CNTN5: variants seen among roughly 807,000 people sequenced by gnomAD.
The protein encoded by CNTN5 is contactin 5.
A neutral mutation model predicts 129.1 loss-of-function variants in CNTN5; 77 were observed. That is an observed-to-expected ratio of 0.60 (90% confidence interval 0.50 to 0.72). The LOEUF (loss-of-function observed/expected upper bound fraction) is 0.72. Ranked by LOEUF, CNTN5 falls within the 30% of genes least tolerant of loss-of-function variation. The pLI is 0.00. For synonymous variants in CNTN5, 509 were observed against 465.6 expected (o/e 1.09, Z -1.20); for missense variants, 1,478 against 1,328.8 (o/e 1.11, Z -1.75).
intron 3 of CNTN5, among the ~76,000 whole-genome samples, chr11:99,818,799 AAT>A (rs1232092345): frequency 6.6e-6 from 1 of 152,222 alleles, no homozygotes; most frequent in African/African-American, 2.4e-5. Flanking sequence ...TAGGAATTAA[AAT>A]ATGAAATTTA....
chr11:99,141,733 T>C (rs911687743), intron 1 of CNTN5, among the ~76,000 whole-genome samples: 1 of 152,182 alleles, frequency 6.6e-6, no homozygotes, highest in African/African-American at 2.4e-5. Flanking sequence ...CTTGATTTCT[T>C]CCTTAATTGG....
chr11:99,118,742 G>A (rs1858163024), intron 1 of CNTN5, among the ~76,000 whole-genome samples: 1 of 151,952 alleles, frequency 6.6e-6, no homozygotes, highest in Non-Finnish European at 1.5e-5. Context: ...AAAGAAGTTT[G>A]AAGAGTTAAG....
At chr11:99,214,495 C>G (rs1860018320) in intron 1 of CNTN5, among the ~76,000 whole-genome samples, 1 of 150,520 alleles carries the variant, frequency 6.6e-6, no homozygotes, top group Non-Finnish European at 1.5e-5. Context: ...TCTCTGTGAA[C>G]TTTGACAAAT....
intron 3 of CNTN5, among the ~76,000 whole-genome samples, chr11:99,767,668 A>T (rs1944801218): frequency 6.6e-6 from 1 of 150,996 alleles, no homozygotes; most frequent in Non-Finnish European, 1.5e-5. Flanking sequence ...TGTGAAGTTT[A>T]ATATTCTCTG....
intron 1 of CNTN5, among the ~76,000 whole-genome samples, chr11:99,169,675 GA>G (rs991609292): frequency 6.6e-6 from 1 of 152,114 alleles, no homozygotes; most frequent in African/African-American, 2.4e-5. Context: ...AAGGGGTAAA[GA>G]GAAAGAAAAT....
intron 16 of CNTN5, 137 bp from the exon 17 acceptor site, chr11:100,255,623 T>C: frequency 1.4e-6 from 1 of 706,496 alleles, no homozygotes; most frequent in Non-Finnish European, 2.2e-6. Flanking sequence ...TGACTTTTTG[T>C]TGTCAATTTT....
chr11:99,041,502 TA>T (rs1863982096), intron 1 of CNTN5, among the ~76,000 whole-genome samples: 2 of 152,218 alleles, frequency 1.3e-5, no homozygotes, highest in Admixed American at 1.3e-4. Context: ...CTCATCTTTT[TA>T]TCCTCATCAC....
chr11:99,862,219 A>T (rs1448965067), intron 6 of CNTN5, among the ~76,000 whole-genome samples: 1 of 152,220 alleles, frequency 6.6e-6, no homozygotes, highest in African/African-American at 2.4e-5. Context: ...AATACATTTC[A>T]GCATGACAAC....
At chr11:99,035,170 G>A (rs1035554264) in intron 1 of CNTN5, among the ~76,000 whole-genome samples, 123 of 151,624 alleles carry the variant, frequency 8.1e-4, no homozygotes, top group Non-Finnish European at 2.4e-4. Context: ...TACATTTGCC[G>A]AGGAGAGCTT....
chr11:99,167,046 A>G (rs1338123462), intron 1 of CNTN5, among the ~76,000 whole-genome samples: 2 of 152,140 alleles, frequency 1.3e-5, no homozygotes, highest in African/African-American at 4.8e-5. Flanking sequence ...TTCTGTATTA[A>G]TTAAGAAGTA....
chr11:100,074,488 AC>A (rs2137890425), intron 13 of CNTN5, 194 bp downstream of exon 13: 1 of 507,604 alleles, frequency 2.0e-6, no homozygotes, highest in African/African-American at 2.0e-5. Flanking sequence ...GTCTTCTTTG[AC>A]TCCATGGGGT....
intron 1 of CNTN5, among the ~76,000 whole-genome samples, chr11:99,318,028 G>T (rs1045724084): frequency 9.9e-5 from 15 of 151,932 alleles, no homozygotes; most frequent in Non-Finnish European, 2.9e-5. Flanking sequence ...CAAAATCCAA[G>T]TATAAAACTT....
intron 9 of CNTN5, among the ~76,000 whole-genome samples, chr11:100,015,934 C>T (rs960870451): frequency 5.9e-5 from 9 of 151,960 alleles, no homozygotes; most frequent in Non-Finnish European, 1.5e-5. Context: ...ATACTTAATT[C>T]CATTCATTCT....
chr11:99,162,298 TAAAAG>T (rs1306246235), intron 1 of CNTN5, among the ~76,000 whole-genome samples: 2 of 151,924 alleles, frequency 1.3e-5, no homozygotes, highest in South Asian at 2.1e-4. Context: ...TTTTCATTGA[TAAAAG>T]AAGAGAGCCT....
intron 3 of CNTN5, among the ~76,000 whole-genome samples, chr11:99,649,744 GT>G (rs34135167): frequency 0.6 from 91,106 of 151,386 alleles, 28,287 homozygotes; most frequent in Admixed American, 0.69. Context: ...GAAACATTAA[GT>G]TTTTTTCCTA....
chr11:99,246,483 G>C (rs984081544), intron 1 of CNTN5, among the ~76,000 whole-genome samples: 2 of 152,100 alleles, frequency 1.3e-5, no homozygotes, highest in African/African-American at 4.8e-5. Flanking sequence ...TCGTTAAATA[G>C]AATTTCAGCG....
chr11:99,541,938 CAGAG>C (rs1166954841), intron 2 of CNTN5, among the ~76,000 whole-genome samples: 1 of 103,724 alleles, frequency 9.6e-6, no homozygotes, highest in Non-Finnish European at 1.8e-5. Context: ...GTCTTGGTGA[CAGAG>C]GGAGATCTTG....
chr11:100,109,624 A>C (rs1945577448), intron 13 of CNTN5, among the ~76,000 whole-genome samples: 1 of 152,190 alleles, frequency 6.6e-6, no homozygotes, highest in African/African-American at 2.4e-5. Context: ...TCTTATTTCA[A>C]CATATACTTC....
intron 2 of CNTN5, among the ~76,000 whole-genome samples, chr11:99,355,510 A>G (rs1447846579): frequency 6.6e-6 from 1 of 152,106 alleles, no homozygotes; most frequent in Non-Finnish European, 1.5e-5. Context: ...GAATTTGGAA[A>G]GGTTAGAGCT....
Sources: allele counts gnomAD v4.1 joint callset (sites outside exome capture counted in the v4.1 genomes callset), GRCh38; gene constraint gnomAD v4.1.1; transcripts MANE v1.5; gene names NCBI Gene and HGNC (gene_info 2026-07-23, HGNC 2026-07-21).